ARB2A: variants seen among roughly 807,000 people sequenced by gnomAD.
ARB2A encodes the protein ARB2 cotranscriptional regulator A, also known as cotranscriptional regulator ARB2A.
chr5:93,708,152 C>A, the ARB2A span, among the ~76,000 whole-genome samples: 1 of 152,202 alleles, frequency 6.6e-6, no homozygotes, highest in Non-Finnish European at 1.5e-5. Context: ...TTAACAACTG[C>A]ACCTCATGTA....
chr5:93,781,734 T>C, the ARB2A span: 3 of 207,094 alleles, frequency 1.4e-5, no homozygotes, highest in Non-Finnish European at 2.5e-5. Context: ...TGGTGTGAGA[T>C]GGTATCTCAT....
the ARB2A span, among the ~76,000 whole-genome samples, chr5:94,106,805 A>C: frequency 6.6e-6 from 1 of 151,638 alleles, no homozygotes; most frequent in Non-Finnish European, 1.5e-5. Flanking sequence ...CATAAAAAAG[A>C]ATAAAATCAT....
the ARB2A span, among the ~76,000 whole-genome samples, chr5:93,883,007 T>G: frequency 6.6e-6 from 1 of 151,542 alleles, no homozygotes; most frequent in East Asian, 1.9e-4. Flanking sequence ...AGTAAACCAG[T>G]AATAGCACAG....
chr5:93,830,311 G>GTGTATGTGTGTGTATATATATATATATA, the ARB2A span, among the ~76,000 whole-genome samples: 1 of 82,258 alleles, frequency 1.2e-5, no homozygotes, highest in African/African-American at 5.2e-5. Flanking sequence ...GTGTGTGTGT[G>GTGTATGTGTGTGTATATATATATATATA]TATATATATA....
At chr5:93,922,688 GAGGGAGGA>G in the ARB2A span, among the ~76,000 whole-genome samples, 2 of 95,528 alleles carry the variant, frequency 2.1e-5, no homozygotes, top group African/African-American at 8.0e-5. Context: ...GGGAGGGAGG[GAGGGAGGA>G]AGGAAAGAAA....
the ARB2A span, among the ~76,000 whole-genome samples, chr5:93,968,136 A>G: frequency 6.6e-6 from 1 of 152,136 alleles, no homozygotes; most frequent in Non-Finnish European, 1.5e-5. Flanking sequence ...TTTACCTGAT[A>G]TATGATATCA....
the ARB2A span, chr5:93,621,159 G>C: frequency 0.13 from 204,339 of 1,566,616 alleles, 14,285 homozygotes; most frequent in Middle Eastern, 0.2. Context: ...CGGTTACCAG[G>C]TGGCCACGCG....
At chr5:93,646,439 A>G in the ARB2A span, among the ~76,000 whole-genome samples, 1 of 152,156 alleles carries the variant, frequency 6.6e-6, no homozygotes, top group Non-Finnish European at 1.5e-5. Flanking sequence ...TTACACTTAC[A>G]TATGGTAGCA....
the ARB2A span, among the ~76,000 whole-genome samples, chr5:93,761,645 A>C: frequency 2.2e-4 from 34 of 152,156 alleles, no homozygotes; most frequent in Non-Finnish European, 4.1e-4. Flanking sequence ...GCATTGCAAA[A>C]CAAAAGGCAG....
At chr5:93,923,101 T>G in the ARB2A span, among the ~76,000 whole-genome samples, 1 of 152,044 alleles carries the variant, frequency 6.6e-6, no homozygotes, top group African/African-American at 2.4e-5. Flanking sequence ...CTCAGCCTAT[T>G]CAACATGAAG....
the ARB2A span, among the ~76,000 whole-genome samples, chr5:94,107,531 A>T: frequency 2.6e-5 from 3 of 116,792 alleles, no homozygotes; most frequent in African/African-American, 5.5e-5. Context: ...TTCAATAGTT[A>T]AAAAAAAAAA....
At chr5:93,993,805 T>C in the ARB2A span, among the ~76,000 whole-genome samples, 1 of 150,420 alleles carries the variant, frequency 6.6e-6, no homozygotes, top group Non-Finnish European at 1.5e-5. Flanking sequence ...AGACAATATA[T>C]ATTAAATACT....
the ARB2A span, among the ~76,000 whole-genome samples, chr5:93,779,124 T>TGTGCGCGCGC: frequency 1.4e-5 from 2 of 146,298 alleles, no homozygotes; most frequent in African/African-American, 5.2e-5. Context: ...TGTGTGTGTG[T>TGTGCGCGCGC]GCGCGCGCGC....
the ARB2A span, among the ~76,000 whole-genome samples, chr5:93,923,309 A>G: frequency 6.6e-6 from 1 of 152,196 alleles, no homozygotes; most frequent in Admixed American, 6.5e-5. Flanking sequence ...ACAGCAGGCT[A>G]CTAGTAAATT....
At chr5:93,912,457 T>C in the ARB2A span, among the ~76,000 whole-genome samples, 6 of 151,792 alleles carry the variant, frequency 4.0e-5, no homozygotes, top group African/African-American at 1.4e-4. Context: ...TATTTCATTA[T>C]GATCTAAATC....
At chr5:93,788,639 A>T in the ARB2A span, among the ~76,000 whole-genome samples, 1 of 152,186 alleles carries the variant, frequency 6.6e-6, no homozygotes, top group African/African-American at 2.4e-5. Flanking sequence ...CCAGAACTCC[A>T]CCATAAATGA....
At chr5:93,836,651 T>C in the ARB2A span, among the ~76,000 whole-genome samples, 1 of 152,244 alleles carries the variant, frequency 6.6e-6, no homozygotes, top group Admixed American at 6.5e-5. Context: ...ATTTTAAATG[T>C]ATGCTTTTTT....
At chr5:93,926,133 C>A in the ARB2A span, among the ~76,000 whole-genome samples, 1 of 144,482 alleles carries the variant, frequency 6.9e-6, no homozygotes, top group African/African-American at 2.5e-5. Context: ...ATTTCCAATT[C>A]TTTTTTTTTT....
the ARB2A span, among the ~76,000 whole-genome samples, chr5:94,078,494 G>A: frequency 6.6e-6 from 1 of 152,212 alleles, no homozygotes; most frequent in Non-Finnish European, 1.5e-5. Context: ...GCTGCAGTGA[G>A]AAAAACGTTG....
Sources: allele counts gnomAD v4.1 joint callset (sites outside exome capture counted in the v4.1 genomes callset), GRCh38; gene constraint gnomAD v4.1.1; transcripts MANE v1.5; gene names NCBI Gene and HGNC (gene_info 2026-07-23, HGNC 2026-07-21).